Variants in FBXL7 observed in about 807,000 individuals in gnomAD.
FBXL7 encodes F-box/LRR-repeat protein 7.
In FBXL7, 12 loss-of-function variants were observed where a neutral mutation model predicts 38.3. The observed-to-expected ratio is 0.31, with a 90% CI of 0.20 to 0.51. The LOEUF is 0.51. Ranked by LOEUF, FBXL7 falls within the 20% of genes least tolerant of loss-of-function variation. The pLI, the probability that FBXL7 is intolerant of heterozygous loss-of-function variation, is 0.98. For missense variants in FBXL7, 567 were observed against 676.4 expected, an observed-to-expected ratio of 0.84 and a Z score of 1.79; for synonymous variants, 297 against 300.9, an observed-to-expected ratio of 0.99 and a Z score of 0.13.
intron 1 of FBXL7, among the ~76,000 whole-genome samples, chr5:15,529,998 C>G (rs558942867): frequency 2.7e-4 from 41 of 152,250 alleles, no homozygotes; most frequent in African/African-American, 9.9e-4. Context: ...TGTGGGAGTT[C>G]TGGGAAAACT....
intron 2 of FBXL7, among the ~76,000 whole-genome samples, chr5:15,624,061 C>T (rs1740731830): frequency 6.6e-6 from 1 of 152,160 alleles, no homozygotes; most frequent in South Asian, 2.1e-4. Flanking sequence ...TTTTACTGTA[C>T]TTAGGAGAAG....
At chr5:15,541,787 C>T (rs577916228) in intron 1 of FBXL7, among the ~76,000 whole-genome samples, 39 of 151,850 alleles carry the variant, frequency 2.6e-4, no homozygotes, top group African/African-American at 6.5e-4. Context: ...TCAAGTGATC[C>T]GCCTGCCTTT....
chr5:15,571,512 T>C (rs988337609), intron 1 of FBXL7, among the ~76,000 whole-genome samples: 1 of 152,174 alleles, frequency 6.6e-6, no homozygotes, highest in African/African-American at 2.4e-5. Flanking sequence ...TTTACAAATG[T>C]GTAAACTAAA....
chr5:15,802,950 GCC>G (rs1336084894), intron 2 of FBXL7, among the ~76,000 whole-genome samples: 11 of 152,128 alleles, frequency 7.2e-5, no homozygotes, highest in Non-Finnish European at 1.3e-4. Flanking sequence ...ACGGCACCCG[GCC>G]CCACCACGTC....
rs746286901 is a variant in FBXL7 at position 15,830,483 on chromosome 5, AAAACAC to A, written c.128-97405_128-97400del. Among the ~76,000 whole-genome samples, 19 of 34,218 alleles carry A rather than the reference AAAACAC, an allele frequency of 5.6e-4. No individual in the cohort carries two copies. In the East Asian group the frequency reaches 0.015, roughly 26 times the overall value. 22.4% of individuals were successfully genotyped at this position (34,218 alleles called of 152,430 possible). ...TGGGCGACAGAGTGAGACTCCATCT[AAAACAC>A]ACACACACACACACACACACACACA... On this transcript the variant is annotated intron_variant, in intron 2 of 3. Transcript: ENST00000504595.
chr5:15,844,804 GA>G (rs549118352), intron 2 of FBXL7, among the ~76,000 whole-genome samples: 16 of 147,924 alleles, frequency 1.1e-4, no homozygotes, highest in East Asian at 7.9e-4. Flanking sequence ...TGCTTCCACA[GA>G]AAAAAAAAAT....
At chr5:15,728,748 C>T (rs1046258787) in intron 2 of FBXL7, among the ~76,000 whole-genome samples, 2 of 152,158 alleles carry the variant, frequency 1.3e-5, no homozygotes, top group Non-Finnish European at 2.9e-5. Context: ...ACAGACATCT[C>T]ATGTCATCCT....
chr5:15,531,069 G>A (rs1737406715), intron 1 of FBXL7, among the ~76,000 whole-genome samples: 1 of 152,170 alleles, frequency 6.6e-6, no homozygotes, highest in Admixed American at 6.5e-5. Context: ...TCAAAATCAA[G>A]TGCATGAAAA....
intron 2 of FBXL7, among the ~76,000 whole-genome samples, chr5:15,641,348 T>C (rs1255118205): frequency 6.6e-6 from 1 of 152,200 alleles, no homozygotes; most frequent in Admixed American, 6.5e-5. Flanking sequence ...TTCCAGACTC[T>C]ACAACCAATT....
intron 1 of FBXL7, among the ~76,000 whole-genome samples, chr5:15,563,413 C>T (rs1175208993): frequency 3.9e-5 from 6 of 152,214 alleles, no homozygotes; most frequent in Admixed American, 6.5e-5. Flanking sequence ...TGCGAAAGTT[C>T]TCTTAGGAAA....
At chr5:15,717,954 C>T (rs1288878321) in intron 2 of FBXL7, among the ~76,000 whole-genome samples, 1 of 148,990 alleles carries the variant, frequency 6.7e-6, no homozygotes, top group Non-Finnish European at 1.5e-5. Context: ...TGGACTCTAT[C>T]TATGTTAATG....
intron 2 of FBXL7, among the ~76,000 whole-genome samples, chr5:15,668,533 A>G (rs1265567513): frequency 1.3e-5 from 2 of 152,126 alleles, no homozygotes; most frequent in Admixed American, 6.6e-5. Context: ...GGAAAATGTC[A>G]TTAGATGGAG....
rs1181441289 is a variant in FBXL7, at chr5:15,835,489, C to T, written c.128-92401C>T. On this transcript the variant is annotated intron_variant, in intron 2 of 3. Transcript: ENST00000504595. ...ATTAGAATCATGTTTAGAAAGGTCACAGAGGGCAGAGCAGAGTGACTTTTT... is the reference window on the plus strand; with the variant it reads ...ATTAGAATCATGTTTAGAAAGGTCATAGAGGGCAGAGCAGAGTGACTTTTT... 5.3e-5 allele frequency among the ~76,000 whole-genome samples: 8 copies of T among 152,264 alleles called. No homozygotes were observed. In the East Asian group the frequency reaches 7.7e-4, roughly 15 times the overall value.
chr5:15,816,496 A>T (rs1738018587), intron 2 of FBXL7, among the ~76,000 whole-genome samples: 1 of 152,100 alleles, frequency 6.6e-6, no homozygotes, highest in South Asian at 2.1e-4. Context: ...AGAAGTGGGG[A>T]GGTGAAGTGG....
intron 2 of FBXL7, among the ~76,000 whole-genome samples, chr5:15,846,915 T>C (rs377400356): frequency 3.3e-5 from 5 of 152,116 alleles, no homozygotes; most frequent in East Asian, 3.9e-4. Flanking sequence ...TTCAAAGATA[T>C]AGAAATTAAA....
At chr5:15,810,342 C>T (rs1013725767) in intron 2 of FBXL7, among the ~76,000 whole-genome samples, 25 of 152,058 alleles carry the variant, frequency 1.6e-4, no homozygotes, top group Non-Finnish European at 3.7e-4. Context: ...GGGCAGATCA[C>T]TTGAGGTCAA....
intron 1 of FBXL7, among the ~76,000 whole-genome samples, chr5:15,503,559 T>TG (rs769202200): frequency 5.3e-5 from 8 of 152,236 alleles, no homozygotes; most frequent in Non-Finnish European, 1.0e-4. Flanking sequence ...TAACCAATCT[T>TG]GCTGTTTTCT....
chr5:15,700,987 TAAA>T (rs1004935178), intron 2 of FBXL7, among the ~76,000 whole-genome samples: 21 of 152,278 alleles, frequency 1.4e-4, no homozygotes, highest in African/African-American at 5.1e-4. Flanking sequence ...TTTTTTTAAT[TAAA>T]AAAATCTGAA....
At chr5:15,833,247 G>A (rs987565608) in intron 2 of FBXL7, among the ~76,000 whole-genome samples, 15 of 152,124 alleles carry the variant, frequency 9.9e-5, no homozygotes, top group Non-Finnish European at 2.1e-4. Flanking sequence ...GGTCCCAGTA[G>A]GGCTCAGTCT....
Sources: gnomAD v4.1 joint callset for allele counts (sites outside exome capture counted in the v4.1 genomes callset) on GRCh38, gnomAD v4.1.1 for gene constraint, MANE v1.5 for transcripts, NCBI Gene and HGNC (gene_info 2026-07-23, HGNC 2026-07-21) for gene names.